Variants in TAOK3 observed in about 807,000 individuals in gnomAD.
TAOK3 encodes the protein TAO kinase 3, also known as serine/threonine-protein kinase TAO3.
Under a neutral mutation model 120.4 loss-of-function variants are expected in TAOK3, and 40 were observed. That is an observed-to-expected ratio of 0.33 (90% CI 0.26 to 0.43). The LOEUF (loss-of-function observed/expected upper bound fraction) is 0.43, where lower values mean the gene tolerates loss of function less well. TAOK3 is among the 20% of genes least tolerant of loss of function. The pLI is 1.00. For synonymous variants in TAOK3, 355 were observed against 387.5 expected (o/e 0.92, Z 0.99); for missense variants, 821 against 1,112.1 (o/e 0.74, Z 3.72).
At position 118,324,988 on chromosome 12, in the gene TAOK3, C is replaced by T. The variant is rs766717948; in HGVS notation, c.-194+47660G>A. The stretch of plus-strand genomic sequence containing the variant: ...GTCTCGATCTCCTGACCTTGTGATC[C>T]GCCCGCCTCGGCCTCCCAAAGTGCT... On this transcript the variant is annotated intron_variant, in intron 1 of 20. Coordinates refer to ENST00000392533, the MANE Select transcript of TAOK3 (RefSeq NM_016281.4). 1.6e-4 allele frequency among the ~76,000 whole-genome samples: 25 copies of T among 152,000 alleles called. 1 individual carries two copies. Among genetic ancestry groups the T allele is most frequent in the South Asian group, 8.3e-4 (4 of 4,806 alleles).
intron 1 of TAOK3, among the ~76,000 whole-genome samples, chr12:118,349,526 C>G (rs2045040173): frequency 6.6e-6 from 1 of 152,106 alleles, no homozygotes; most frequent in African/African-American, 2.4e-5. Context: ...TTGTCTTGTT[C>G]CAGTTATACA....
intron 19 of TAOK3, among the ~76,000 whole-genome samples, chr12:118,159,551 T>A (rs1049306997): frequency 1.3e-5 from 2 of 152,162 alleles, no homozygotes; most frequent in Non-Finnish European, 2.9e-5. Flanking sequence ...TCCACCTGCC[T>A]CGGCCTCCCA....
intron 13 of TAOK3, among the ~76,000 whole-genome samples, chr12:118,194,504 G>T (rs1405437901): frequency 6.6e-6 from 1 of 151,878 alleles, no homozygotes; most frequent in African/African-American, 2.4e-5. Flanking sequence ...TGCCAAATGT[G>T]AGTTGAAGAG....
intron 9 of TAOK3, among the ~76,000 whole-genome samples, chr12:118,217,498 C>T (rs2038964618): frequency 6.6e-6 from 1 of 151,662 alleles, no homozygotes; most frequent in African/African-American, 2.4e-5. Flanking sequence ...CCAGCCTGGC[C>T]AACATGGTAA....
At chr12:118,364,713 G>A (rs1210510669) in intron 1 of TAOK3, among the ~76,000 whole-genome samples, 1 of 152,086 alleles carries the variant, frequency 6.6e-6, no homozygotes, top group Non-Finnish European at 1.5e-5. Flanking sequence ...TTTGAGACCA[G>A]CCTGGCCAAC....
intron 1 of TAOK3, among the ~76,000 whole-genome samples, chr12:118,276,172 A>T (rs1395266870): frequency 6.6e-6 from 1 of 152,230 alleles, no homozygotes; most frequent in East Asian, 1.9e-4. Context: ...AAGCAAGGTT[A>T]AAAACACTGA....
intron 15 of TAOK3, among the ~76,000 whole-genome samples, chr12:118,179,537 T>C (rs1200860536): frequency 6.6e-6 from 1 of 152,130 alleles, no homozygotes; most frequent in Non-Finnish European, 1.5e-5. Context: ...ACATGGCAGA[T>C]GTATACATAT....
chr12:118,287,690 A>T (rs78418595), intron 1 of TAOK3, among the ~76,000 whole-genome samples: 2,338 of 152,278 alleles, frequency 0.015, 27 homozygotes, highest in Non-Finnish European at 0.025. Flanking sequence ...CAACTCGAAA[A>T]GTCTATGATT....
intron 14 of TAOK3, 84 bp downstream of exon 14, chr12:118,189,723 C>T (rs1481056740): frequency 1.9e-5 from 29 of 1,520,370 alleles, no homozygotes; most frequent in Non-Finnish European, 2.4e-5. Context: ...TCCATGAAGC[C>T]GAGACAGGCT....
At chr12:118,328,278 C>A (rs2044012520) in intron 1 of TAOK3, among the ~76,000 whole-genome samples, 1 of 152,096 alleles carries the variant, frequency 6.6e-6, no homozygotes, top group South Asian at 2.1e-4. Context: ...CCAGGCTGGT[C>A]TCGAACTCCT....
chr12:118,189,768 G>C, intron 14 of TAOK3, 39 bp downstream of exon 14: 1 of 1,611,818 alleles, frequency 6.2e-7, no homozygotes, highest in East Asian at 2.2e-5. Flanking sequence ...TGGGGAGGAG[G>C]GGAAGGAAGG....
At chr12:118,185,096 C>T (rs1459647561) in intron 14 of TAOK3, among the ~76,000 whole-genome samples, 1 of 144,510 alleles carries the variant, frequency 6.9e-6, no homozygotes, top group African/African-American at 2.6e-5. Flanking sequence ...AGAAGGGGCA[C>T]ATTTAAGGAA....
chr12:118,318,348 G>C (rs1447878254), intron 1 of TAOK3, among the ~76,000 whole-genome samples: 9 of 151,948 alleles, frequency 5.9e-5, no homozygotes, highest in Admixed American at 5.9e-4. Flanking sequence ...AGTAAAGACA[G>C]GGTTTCACCA....
chr12:118,278,439 C>T (rs2041980108), intron 1 of TAOK3, among the ~76,000 whole-genome samples: 2 of 152,160 alleles, frequency 1.3e-5, no homozygotes, highest in African/African-American at 4.8e-5. Flanking sequence ...AAATGACTCC[C>T]AGCTCCATCC....
chr12:118,159,310 CACTT>C (rs1274287068), intron 19 of TAOK3, among the ~76,000 whole-genome samples: 27 of 115,638 alleles, frequency 2.3e-4, no homozygotes, highest in African/African-American at 8.2e-4. Flanking sequence ...TCAAATCACT[CACTT>C]TTTTTTTTTT....
chr12:118,286,701 C>T (rs1313354800), intron 1 of TAOK3, among the ~76,000 whole-genome samples: 2 of 152,158 alleles, frequency 1.3e-5, no homozygotes, highest in African/African-American at 4.8e-5. Context: ...CCATTTGATC[C>T]AGCAATCCTG....
chr12:118,293,262 T>C (rs954032617), intron 1 of TAOK3, among the ~76,000 whole-genome samples: 1 of 152,262 alleles, frequency 6.6e-6, no homozygotes, highest in Admixed American at 6.5e-5. Context: ...GATGCCTCTA[T>C]GTTCTTAAAT....
intron 1 of TAOK3, among the ~76,000 whole-genome samples, chr12:118,288,915 C>CAAAAAAAAAAAAA (rs34740967): frequency 9.6e-5 from 9 of 94,134 alleles, no homozygotes; most frequent in Admixed American, 1.3e-4. Flanking sequence ...GACTCTATCT[C>CAAAAAAAAAAAAA]AAAAAAAAAA....
intron 11 of TAOK3, among the ~76,000 whole-genome samples, chr12:118,205,443 T>C (rs970434705): frequency 5.3e-5 from 8 of 152,034 alleles, no homozygotes; most frequent in Admixed American, 1.3e-4. Context: ...GTGATTTCCA[T>C]AGCTAATTAG....
Sources: allele counts gnomAD v4.1 joint callset (sites outside exome capture counted in the v4.1 genomes callset), GRCh38; gene constraint gnomAD v4.1.1; transcripts MANE v1.5; gene names NCBI Gene and HGNC (gene_info 2026-07-23, HGNC 2026-07-21).